The following ATP9A variants were observed in gnomAD, a reference collection of about 807,000 sequenced individuals.
The protein encoded by ATP9A is probable phospholipid-transporting ATPase IIA.
In ATP9A, 52 loss-of-function variants were observed where a neutral mutation model predicts 144.1. That is an observed-to-expected ratio of 0.36 (90% CI 0.29 to 0.45). The LOEUF is 0.45. ATP9A is among the 20% of genes least tolerant of loss of function. The probability of loss-of-function intolerance (pLI) is 1.00; values close to 1 mark genes in which losing one functional copy is unlikely to be tolerated. For synonymous variants in ATP9A, 582 were observed against 557.4 expected, an observed-to-expected ratio of 1.04 and a Z score of -0.62; for missense variants, 947 against 1,392.7, an observed-to-expected ratio of 0.68 and a Z score of 5.09.
At chr20:51,659,293 G>A (rs1450499689) in intron 13 of ATP9A, among the ~76,000 whole-genome samples, 5 of 152,132 alleles carry the variant, frequency 3.3e-5, no homozygotes, top group African/African-American at 9.7e-5. Flanking sequence ...TTTACCTGAC[G>A]GTTCCCTCTC....
chr20:51,693,111 A>G (rs1187951806), intron 7 of ATP9A, among the ~76,000 whole-genome samples: 1 of 152,214 alleles, frequency 6.6e-6, no homozygotes, highest in Non-Finnish European at 1.5e-5. Context: ...CCTCTCAGCC[A>G]GGGCCTGCGC....
intron 13 of ATP9A, among the ~76,000 whole-genome samples, chr20:51,667,777 C>A (rs543217611): frequency 6.6e-6 from 1 of 151,820 alleles, no homozygotes; most frequent in African/African-American, 2.4e-5. Context: ...GGTGGCTGGG[C>A]GCAGTGCATC....
chr20:51,699,377 G>A (rs997182455), intron 4 of ATP9A, among the ~76,000 whole-genome samples: 3 of 144,600 alleles, frequency 2.1e-5, no homozygotes, highest in Non-Finnish European at 4.5e-5. Flanking sequence ...TTAAAGACAC[G>A]AAATAATATA....
intron 9 of ATP9A, among the ~76,000 whole-genome samples, chr20:51,688,522 G>A (rs1030192562): frequency 6.6e-6 from 1 of 152,076 alleles, no homozygotes; most frequent in African/African-American, 2.4e-5. Context: ...AACCCGGGGG[G>A]CGGAGGTTAC....
chr20:51,618,582 A>G, intron 21 of ATP9A, 80 bp downstream of exon 21: 1 of 1,513,644 alleles, frequency 6.6e-7, no homozygotes, highest in South Asian at 1.3e-5. Flanking sequence ...AAAGAGCAGC[A>G]GTGTCCAAAT....
intron 9 of ATP9A, among the ~76,000 whole-genome samples, chr20:51,682,371 C>T (rs1307885874): frequency 1.3e-5 from 2 of 151,980 alleles, no homozygotes; most frequent in Non-Finnish European, 2.9e-5. Flanking sequence ...TGAAGTACGT[C>T]CTATTCACGT....
Position 51,597,912 on chromosome 20 carries a change from G to A in ATP9A, c.*3299C>T, listed in dbSNP as rs1245925074. ...ACAAAAAAAAAAGGGTTTCACTTCA[G>A]GGGAGTGGAACTGGGATGGGAATTT... On this transcript the variant is annotated 3_prime_UTR_variant, in exon 28 of 28. Coordinates refer to ENST00000338821, the MANE Select transcript of ATP9A (RefSeq NM_006045.3). 1 of 151,896 alleles carries A rather than the reference G, an allele frequency of 6.6e-6. No homozygotes were observed. The highest frequency in any genetic ancestry group is 6.6e-5 in the Admixed American group (1 of 15,236). The allele number at this position is 151,896 out of a possible 1,614,324, so 9.4% of individuals were successfully genotyped here.
At chr20:51,721,375 C>T (rs1379226855) in intron 3 of ATP9A, among the ~76,000 whole-genome samples, 4 of 152,186 alleles carry the variant, frequency 2.6e-5, no homozygotes, top group Non-Finnish European at 5.9e-5. Flanking sequence ...AATCCTAGCA[C>T]CTTGGAAGGC....
intron 17 of ATP9A, among the ~76,000 whole-genome samples, chr20:51,627,182 T>A (rs1446511342): frequency 2.0e-5 from 3 of 150,478 alleles, no homozygotes; most frequent in African/African-American, 7.3e-5. Flanking sequence ...TAAAAAAAAA[T>A]ATATGAACAG....
At chr20:51,637,492 G>A (rs969848848) in intron 15 of ATP9A, among the ~76,000 whole-genome samples, 8 of 151,838 alleles carry the variant, frequency 5.3e-5, no homozygotes, top group Non-Finnish European at 8.8e-5. Context: ...AAGCAAACCC[G>A]CAGGAAATCA....
chr20:51,764,059 C>A (rs1283028172), intron 1 of ATP9A, among the ~76,000 whole-genome samples: 2 of 152,166 alleles, frequency 1.3e-5, no homozygotes, highest in African/African-American at 2.4e-5. Flanking sequence ...TTACCATTAG[C>A]CCTAGTAAAC....
chr20:51,639,742 C>A (rs2077310777), intron 14 of ATP9A, among the ~76,000 whole-genome samples: 1 of 152,086 alleles, frequency 6.6e-6, no homozygotes, highest in African/African-American at 2.4e-5. Flanking sequence ...TTTCTAGGCT[C>A]AAAACAGGCT....
At chr20:51,741,785 A>G (rs746657647) in intron 1 of ATP9A, among the ~76,000 whole-genome samples, 61 of 152,248 alleles carry the variant, frequency 4.0e-4, no homozygotes, top group South Asian at 1.9e-3. Context: ...TTGCACCCCC[A>G]GGGTGGGTAT....
intron 15 of ATP9A, among the ~76,000 whole-genome samples, chr20:51,633,684 T>C (rs1293681235): frequency 1.3e-5 from 2 of 151,520 alleles, no homozygotes; most frequent in African/African-American, 4.9e-5. Context: ...AGGTCAAGGC[T>C]GCAATGAGCC....
intron 15 of ATP9A, among the ~76,000 whole-genome samples, chr20:51,636,668 G>T (rs890935938): frequency 6.6e-6 from 1 of 152,134 alleles, no homozygotes; most frequent in Non-Finnish European, 1.5e-5. Flanking sequence ...CTCAATTCCA[G>T]CTGTGTGAAC....
At chr20:51,613,572 T>G in intron 23 of ATP9A, 105 bp downstream of exon 23, 1 of 1,247,806 alleles carries the variant, frequency 8.0e-7, no homozygotes, top group South Asian at 1.9e-5. Context: ...GCTTTTTCCA[T>G]GATAATTACA....
At chr20:51,665,253 G>C (rs77185179) in intron 13 of ATP9A, among the ~76,000 whole-genome samples, 3,951 of 145,376 alleles carry the variant, frequency 0.027, 162 homozygotes, top group African/African-American at 0.095. Flanking sequence ...GAGCAGGGGG[G>C]TTTGGGAACT....
intron 2 of ATP9A, among the ~76,000 whole-genome samples, chr20:51,727,570 T>C (rs1451528859): frequency 4.6e-5 from 7 of 151,304 alleles, no homozygotes; most frequent in Admixed American, 4.6e-4. Context: ...TGGGTGACAA[T>C]GAGTCCCCCA....
intron 1 of ATP9A, among the ~76,000 whole-genome samples, chr20:51,741,355 C>T (rs990033965): frequency 6.6e-6 from 1 of 152,044 alleles, no homozygotes; most frequent in African/African-American, 2.4e-5. Context: ...CCGAGGCAGG[C>T]GGATCACGAG....
Sources: gnomAD v4.1 joint callset for allele counts (sites outside exome capture counted in the v4.1 genomes callset) on GRCh38, gnomAD v4.1.1 for gene constraint, MANE v1.5 for transcripts, NCBI Gene and HGNC (gene_info 2026-07-23, HGNC 2026-07-21) for gene names.